ERG: variants seen among roughly 807,000 people sequenced by gnomAD.
ERG encodes the protein transcriptional regulator ERG.
A neutral mutation model predicts 55.3 loss-of-function variants in ERG; 9 were observed. That is an observed-to-expected ratio of 0.16 (90% CI 0.10 to 0.28). ERG has a LOEUF of 0.28. ERG is among the 10% of genes least tolerant of loss of function. The pLI, the probability that ERG is intolerant of heterozygous loss-of-function variation, is 1.00. For synonymous variants in ERG, 223 were observed against 237.3 expected (o/e 0.94, Z 0.55); for missense variants, 434 against 631.6 (o/e 0.69, Z 3.35).
chr21:38,541,098 A>G (rs2059748984), intron 2 of ERG, among the ~76,000 whole-genome samples: 1 of 152,222 alleles, frequency 6.6e-6, no homozygotes, highest in South Asian at 2.1e-4. Context: ...TGGTACGTCT[A>G]TCTGGCCTTC....
chr21:38,647,631 A>C (rs183776756), intron 1 of ERG, among the ~76,000 whole-genome samples: 1 of 152,346 alleles, frequency 6.6e-6, no homozygotes, highest in Admixed American at 6.5e-5. Context: ...TTTAAGCCTA[A>C]ATGTAACTAC....
At chr21:38,543,675 T>C (rs1378287032) in intron 2 of ERG, among the ~76,000 whole-genome samples, 2 of 151,184 alleles carry the variant, frequency 1.3e-5, no homozygotes, top group Non-Finnish European at 2.9e-5. Flanking sequence ...AGAGTAAAGT[T>C]AATAGCCTGT....
chr21:38,503,971 C>A (rs961004211), intron 2 of ERG, among the ~76,000 whole-genome samples: 1 of 152,092 alleles, frequency 6.6e-6, no homozygotes, highest in Non-Finnish European at 1.5e-5. Flanking sequence ...TACAGCTTCA[C>A]TCCATTGGAT....
intron 1 of ERG, among the ~76,000 whole-genome samples, chr21:38,475,366 C>T (rs2059177696): frequency 1.3e-5 from 2 of 152,174 alleles, no homozygotes; most frequent in African/African-American, 4.8e-5. Flanking sequence ...ATTCCCCAAG[C>T]TTTTCGCACC....
chr21:38,514,913 C>A (rs1269642807), intron 2 of ERG, among the ~76,000 whole-genome samples: 2 of 151,920 alleles, frequency 1.3e-5, no homozygotes, highest in East Asian at 3.9e-4. Context: ...GATACAAGGT[C>A]AATATAGAAT....
At position 38,498,263 on chromosome 21, in the gene ERG, G is replaced by C. The variant is rs1458066578; in HGVS notation, c.18+100C>G. ...TGTTGTCCTCTATTGTGGCAGTGGG[G>C]GTGTTGCCCAACCCTAACTTATCTG... is the stretch of plus-strand genomic sequence containing the variant. On this transcript the variant is annotated intron_variant, in intron 1 of 9. Transcript: ENST00000288319. This position sits in a 1 kb window ranked among gnomAD's most constrained non-coding sequence, Gnocchi z 4.6. The C allele has an allele frequency of 5.1e-6, 5 of 974,356 alleles. No individual in the cohort carries two copies. The highest frequency in any genetic ancestry group is 1.9e-5 in the Admixed American group (1 of 53,716). 60.4% of individuals were successfully genotyped at this position (974,356 alleles called of 1,614,324 possible). A position where few individuals can be genotyped will look rare whatever the true frequency, so the allele number is the denominator to read the frequency against.
chr21:38,382,479 T>C lies in ERG; in HGVS notation c.*924A>G, dbSNP rs1321661114. The C allele has an allele frequency of 1.1e-5, 12 of 1,063,978 alleles. No homozygotes were observed. Among genetic ancestry groups the C allele is most frequent in the Non-Finnish European group, 1.1e-5 (10 of 878,248 alleles). 65.9% of individuals were successfully genotyped at this position (1,063,978 alleles called of 1,614,324 possible). A position where few individuals can be genotyped will look rare whatever the true frequency, so the allele number is the denominator to read the frequency against. On this transcript the variant is annotated 3_prime_UTR_variant, in exon 10 of 10. Coordinates refer to ENST00000288319, the MANE Select transcript of ERG (RefSeq NM_182918.4). Reference sequence around the variant, plus strand: ...TTCATTTGACAAACAAAGAAAGAGATGCGCATTTTTGTTTCTGAATTCTAC... The same window carrying C: ...TTCATTTGACAAACAAAGAAAGAGACGCGCATTTTTGTTTCTGAATTCTAC...
intron 2 of ERG, among the ~76,000 whole-genome samples, chr21:38,515,835 C>G (rs1161400969): frequency 6.6e-6 from 1 of 151,842 alleles, no homozygotes; most frequent in East Asian, 1.9e-4. Context: ...TCAACATACA[C>G]AAATCAATAA....
At chr21:38,407,646 T>TATATATATATATATATATA (rs34894423) in intron 3 of ERG, among the ~76,000 whole-genome samples, 2,155 of 142,502 alleles carry the variant, frequency 0.015, 115 homozygotes, top group African/African-American at 0.054. Flanking sequence ...ATATATATAT[T>TATATATATATATATATATA]TAATGTATAT....
intron 1 of ERG, among the ~76,000 whole-genome samples, chr21:38,600,617 G>A (rs1443272756): frequency 1.3e-5 from 2 of 152,168 alleles, no homozygotes; most frequent in Non-Finnish European, 2.9e-5. Context: ...TTGCTCTTAA[G>A]ATGGATAAAG....
In ERG at chr21:38,407,646, T is replaced by TATATATATATATATA. The variant is rs34894423; in HGVS notation, c.389-3938_389-3937insTATATATATATATAT. On this transcript the variant is annotated intron_variant, in intron 3 of 9. Transcript: ENST00000288319. ...GGTCTTACAAAAGGTATATATATAT[T>TATATATATATATATA]TAATGTATATTATATGTATACTATA... Among the ~76,000 whole-genome samples, 23 of 142,634 alleles carry TATATATATATATATA rather than the reference T, an allele frequency of 1.6e-4. 1 individual carries two copies. The highest frequency in any genetic ancestry group is 5.6e-4 in the African/African-American group (21 of 37,450). 93.6% of individuals were successfully genotyped at this position (142,634 alleles called of 152,430 possible).
intron 1 of ERG, among the ~76,000 whole-genome samples, chr21:38,467,920 C>T (rs988159295): frequency 1.3e-5 from 2 of 152,188 alleles, no homozygotes; most frequent in African/African-American, 4.8e-5. Flanking sequence ...ATGTGCACAT[C>T]CAACTCATGG....
intron 1 of ERG, among the ~76,000 whole-genome samples, chr21:38,633,856 G>A: frequency 6.9e-6 from 1 of 145,148 alleles, no homozygotes; most frequent in East Asian, 2.1e-4. Context: ...TGAGAGGGAT[G>A]TAGATTGGCA....
intron 9 of ERG, among the ~76,000 whole-genome samples, chr21:38,389,435 C>T (rs1174461931): frequency 2.0e-5 from 3 of 152,004 alleles, no homozygotes; most frequent in South Asian, 4.2e-4. Flanking sequence ...TTAACATTCC[C>T]AGAGTGTTTC....
At chr21:38,498,604 G>A, upstream of ERG, 9 of 893,718 alleles carry the variant, frequency 1.0e-5, no homozygotes, top group South Asian at 3.7e-5. This position sits in a 1 kb window ranked among gnomAD's most constrained non-coding sequence, Gnocchi z 4.6. Context: ...TGAAAACAAT[G>A]TTGTTTTTCT....
chr21:38,589,010 G>T (rs8133771), upstream of ERG, among the ~76,000 whole-genome samples: 1,489 of 152,174 alleles, frequency 9.8e-3, 27 homozygotes, highest in African/African-American at 0.034. Context: ...GGATTAGAGG[G>T]GTGAGCTACC....
chr21:38,477,106 C>G (rs780645138), intron 1 of ERG, among the ~76,000 whole-genome samples: 1 of 150,878 alleles, frequency 6.6e-6, no homozygotes, highest in Non-Finnish European at 1.5e-5. Context: ...TTGACCTCCC[C>G]AGGCTCAGGT....
At chr21:38,532,240 A>C (rs117337035) in intron 2 of ERG, among the ~76,000 whole-genome samples, 35 of 152,316 alleles carry the variant, frequency 2.3e-4, no homozygotes, top group Non-Finnish European at 4.4e-4. Flanking sequence ...ATAAACTGTT[A>C]TGTGAGTCCA....
chr21:38,592,761 G>T (rs1025195480), intron 1 of ERG, among the ~76,000 whole-genome samples: 6 of 152,168 alleles, frequency 3.9e-5, no homozygotes, highest in Non-Finnish European at 8.8e-5. Flanking sequence ...GTGCAGTTTT[G>T]CTGGAAGAAA....
Sources: allele counts gnomAD v4.1 joint callset (sites outside exome capture counted in the v4.1 genomes callset), GRCh38; gene constraint gnomAD v4.1.1; non-coding constraint Gnocchi (gnomAD v3.1); transcripts MANE v1.5; gene names NCBI Gene and HGNC (gene_info 2026-07-23, HGNC 2026-07-21).